The following PLCL2 variants were observed in gnomAD, a reference collection of about 807,000 sequenced individuals.
PLCL2 encodes inactive phospholipase C-like protein 2.
In PLCL2, 4 loss-of-function variants were observed where a neutral mutation model predicts 79.6. That is an observed-to-expected ratio of 0.05 (90% CI 0.02 to 0.11). The LOEUF (loss-of-function observed/expected upper bound fraction) is 0.11. Among genes scored for constraint, PLCL2 ranks in the 10% least tolerant of loss-of-function variants. PLCL2 has a pLI of 1.00. For missense variants in PLCL2, 895 were observed against 1,291.0 expected (o/e 0.69, Z 4.70); for synonymous variants, 484 against 457.7 (o/e 1.06, Z -0.73).
chr3:17,090,243 G>A lies in PLCL2; in HGVS notation c.*331G>A. 1 of 1,002,486 alleles carries A rather than the reference G, an allele frequency of 1.0e-6. No homozygotes were observed. Among genetic ancestry groups the A allele is most frequent in the Non-Finnish European group, 1.2e-6 (1 of 839,378 alleles). The allele number at this position is 1,002,486 out of a possible 1,614,324, so 62.1% of individuals were successfully genotyped here. On this transcript the variant is annotated 3_prime_UTR_variant, in exon 6 of 6. Coordinates refer to ENST00000615277, the MANE Select transcript of PLCL2 (RefSeq NM_001144382.2). ...CTAAGTGAAAACAATTTCTTAAGATGGAAATGGATTGGATTGTCAAATTAT... is the reference window on the plus strand; with the variant it reads ...CTAAGTGAAAACAATTTCTTAAGATAGAAATGGATTGGATTGTCAAATTAT...
chr3:16,987,370 C>T (rs1338169056), intron 1 of PLCL2, among the ~76,000 whole-genome samples: 1 of 152,098 alleles, frequency 6.6e-6, no homozygotes, highest in South Asian at 2.1e-4. Flanking sequence ...TGCTTGGTAA[C>T]CCCAGAGCCC....
intron 1 of PLCL2, among the ~76,000 whole-genome samples, chr3:16,937,186 G>A (rs908398869): frequency 1.3e-5 from 2 of 152,156 alleles, no homozygotes; most frequent in East Asian, 1.9e-4. Flanking sequence ...TGGTCAGATC[G>A]GAGTTTGTAT....
intron 1 of PLCL2, among the ~76,000 whole-genome samples, chr3:16,956,165 T>C (rs1169445104): frequency 2.0e-5 from 3 of 151,666 alleles, no homozygotes; most frequent in Admixed American, 6.6e-5. Context: ...GGCTGTGGGT[T>C]TGTCATAAAT....
At chr3:16,980,399 G>A (rs1246002161) in intron 1 of PLCL2, among the ~76,000 whole-genome samples, 9 of 149,174 alleles carry the variant, frequency 6.0e-5, no homozygotes, top group African/African-American at 2.0e-4. Flanking sequence ...GCCGGCCGGA[G>A]GGGCTCCTCA....
chr3:16,923,801 C>T (rs908715585), intron 1 of PLCL2, among the ~76,000 whole-genome samples: 2 of 151,908 alleles, frequency 1.3e-5, no homozygotes, highest in African/African-American at 2.4e-5. Context: ...ACTCATTTTC[C>T]TTCATTTCTT....
intron 5 of PLCL2, among the ~76,000 whole-genome samples, chr3:17,088,879 A>T (rs1415031811): frequency 6.6e-6 from 1 of 152,156 alleles, no homozygotes; most frequent in African/African-American, 2.4e-5. Flanking sequence ...CTGTTTTCTG[A>T]CCTATATCAT....
chr3:16,902,856 G>GTGTC (rs1696658652), intron 1 of PLCL2, among the ~76,000 whole-genome samples: 1 of 17,324 alleles, frequency 5.8e-5, no homozygotes, highest in Admixed American at 7.1e-4. Flanking sequence ...TGCAGTGCGT[G>GTGTC]TGTGTGTGTG....
intron 1 of PLCL2, among the ~76,000 whole-genome samples, chr3:17,008,637 A>T (rs990332210): frequency 6.6e-6 from 1 of 152,056 alleles, no homozygotes; most frequent in African/African-American, 2.4e-5. Context: ...GTATTGGTGT[A>T]GGAGGCGTAC....
At chr3:16,961,352 T>C (rs1013737839) in intron 1 of PLCL2, among the ~76,000 whole-genome samples, 1 of 152,210 alleles carries the variant, frequency 6.6e-6, no homozygotes, top group African/African-American at 2.4e-5. Flanking sequence ...TGTCAGGCCA[T>C]GCTAGGCAAT....
chr3:16,970,303 C>T (rs765491411), intron 1 of PLCL2, among the ~76,000 whole-genome samples: 1 of 150,794 alleles, frequency 6.6e-6, no homozygotes, highest in South Asian at 2.1e-4. Context: ...TAAGTGAGAA[C>T]ATGCGGTGTT....
chr3:16,976,043 G>A (rs543247494), intron 1 of PLCL2, among the ~76,000 whole-genome samples: 1 of 152,200 alleles, frequency 6.6e-6, no homozygotes, highest in South Asian at 2.1e-4. Context: ...GCCCATCCAG[G>A]TGGTTGCTTC....
chr3:17,010,523 G>C lies in PLCL2; in HGVS notation c.1177G>C (p.Glu393Gln). Residue 393 changes from glutamate (E) to glutamine (Q), a missense_variant, in exon 2 of 6, where the codon GAG becomes CAG. Coordinates refer to ENST00000615277, the MANE Select transcript of PLCL2 (RefSeq NM_001144382.2). This position sits in a 1 kb window ranked among gnomAD's most constrained non-coding sequence, Gnocchi z 5.8. Reference sequence around the variant, plus strand: ...TATTCACAAATATGAACCATCCAAAGAGGGTCAGGAAAAGGGCTGGCTCTC... The same window carrying C: ...TATTCACAAATATGAACCATCCAAACAGGGTCAGGAAAAGGGCTGGCTCTC... ...EIIHKYEPSK[E>Q]GQEKGWLSID... is the part of the protein sequence containing the mutation. The C allele has an allele frequency of 6.2e-7, 1 of 1,614,094 alleles. No individual in the cohort carries two copies. The highest frequency in any genetic ancestry group is 1.3e-5 in the African/African-American group (1 of 75,030).
At chr3:16,953,433 A>G (rs1255024252) in intron 1 of PLCL2, among the ~76,000 whole-genome samples, 2 of 152,164 alleles carry the variant, frequency 1.3e-5, no homozygotes, top group African/African-American at 4.8e-5. Flanking sequence ...CTGTTTATGT[A>G]TTTCCTTTCT....
chr3:16,916,350 G>A (rs1445772060), intron 1 of PLCL2, among the ~76,000 whole-genome samples: 1 of 152,142 alleles, frequency 6.6e-6, no homozygotes, highest in Non-Finnish European at 1.5e-5. Flanking sequence ...ATGGGTTTCT[G>A]TAGTGAATTA....
intron 1 of PLCL2, among the ~76,000 whole-genome samples, chr3:16,917,403 T>C (rs1320239232): frequency 6.6e-6 from 1 of 152,210 alleles, no homozygotes; most frequent in Non-Finnish European, 1.5e-5. Flanking sequence ...CATTTTATTA[T>C]GATCATGAAT....
At chr3:16,977,816 C>T (rs1463624637) in intron 1 of PLCL2, among the ~76,000 whole-genome samples, 7 of 152,086 alleles carry the variant, frequency 4.6e-5, no homozygotes, top group Non-Finnish European at 1.0e-4. Flanking sequence ...TCACAGTTCT[C>T]GAGGGTGGAA....
chr3:16,893,961 G>T (rs917218727), intron 1 of PLCL2, among the ~76,000 whole-genome samples: 1 of 152,104 alleles, frequency 6.6e-6, no homozygotes, highest in African/African-American at 2.4e-5. Context: ...AATTGAAAAT[G>T]CCCAGGAAGG....
At chr3:17,072,224 T>C (rs2065066575) in intron 5 of PLCL2, among the ~76,000 whole-genome samples, 1 of 152,212 alleles carries the variant, frequency 6.6e-6, no homozygotes, top group Admixed American at 6.5e-5. Context: ...GAGCAATTTC[T>C]ACCATAACAA....
chr3:17,036,069 GA>G (rs1433304602), intron 3 of PLCL2, among the ~76,000 whole-genome samples: 1 of 152,114 alleles, frequency 6.6e-6, no homozygotes, highest in Non-Finnish European at 1.5e-5. Context: ...TTGTTATTTA[GA>G]AAGTGTTTTC....
Sources: gnomAD v4.1 joint callset for allele counts (sites outside exome capture counted in the v4.1 genomes callset) on GRCh38, gnomAD v4.1.1 for gene constraint, Gnocchi (gnomAD v3.1) non-coding constraint, MANE v1.5 for transcripts, NCBI Gene and HGNC (gene_info 2026-07-23, HGNC 2026-07-21) for gene names.